The following DNAH14 variants were observed in gnomAD, a reference collection of about 807,000 sequenced individuals.
DNAH14 encodes the protein axonemal beta dynein heavy chain 14.
DNAH14 carries 478 observed loss-of-function variants against 520.9 expected under a neutral mutation model. The observed-to-expected ratio is 0.92, with a 90% CI of 0.85 to 0.99. The LOEUF (loss-of-function observed/expected upper bound fraction) is 0.99. Ranked by LOEUF, DNAH14 falls within the 50% of genes least tolerant of loss-of-function variation. The pLI is 0.00. For synonymous variants in DNAH14, 1,581 were observed against 1,757.2 expected (o/e 0.90, Z 2.51); for missense variants, 4,831 against 5,234.5 (o/e 0.92, Z 2.38).
chr1:225,287,515 G>C (rs1292901245), intron 54 of DNAH14, among the ~76,000 whole-genome samples: 3 of 152,152 alleles, frequency 2.0e-5, no homozygotes, highest in Admixed American at 2.0e-4. Flanking sequence ...CAGAGTTGGA[G>C]ACATAAGTTA....
chr1:225,367,008 T>TACACACACAC (rs111814272), intron 76 of DNAH14, among the ~76,000 whole-genome samples: 1 of 149,396 alleles, frequency 6.7e-6, no homozygotes, highest in Non-Finnish European at 1.5e-5. Flanking sequence ...CTCATGTTCA[T>TACACACACAC]ACACACACAC....
intron 38 of DNAH14, among the ~76,000 whole-genome samples, chr1:225,193,336 C>A (rs574409244): frequency 1.4e-4 from 21 of 152,128 alleles, no homozygotes; most frequent in African/African-American, 5.1e-4. Context: ...TTAGCAATAA[C>A]TAGAGATTGC....
intron 45 of DNAH14, among the ~76,000 whole-genome samples, 170 bp downstream of exon 45, chr1:225,258,288 A>G (rs959794571): frequency 6.6e-6 from 1 of 152,162 alleles, no homozygotes; most frequent in African/African-American, 2.4e-5. Context: ...ATTTTTCCAC[A>G]TATTTGCCAA....
At chr1:225,164,808 G>A (rs1255332133) in intron 35 of DNAH14, among the ~76,000 whole-genome samples, 4 of 151,988 alleles carry the variant, frequency 2.6e-5, no homozygotes, top group African/African-American at 9.7e-5. Flanking sequence ...CTCTCATTAT[G>A]TTGATGCTAT....
intron 1 of DNAH14, among the ~76,000 whole-genome samples, chr1:224,949,113 A>G (rs1329324608): frequency 1.3e-5 from 2 of 152,118 alleles, no homozygotes; most frequent in Non-Finnish European, 2.9e-5. Flanking sequence ...AAAAACACAT[A>G]TTTTTACCAG....
chr1:225,290,645 G>GTATATATA (rs2093855074), intron 55 of DNAH14, among the ~76,000 whole-genome samples: 2 of 40,580 alleles, frequency 4.9e-5, no homozygotes, highest in Admixed American at 3.7e-4. Context: ...GTGTGTGTGT[G>GTATATATA]TGTATATATA....
intron 82 of DNAH14, 83 bp downstream of exon 82, chr1:225,388,574 C>A: frequency 2.6e-6 from 2 of 761,364 alleles, no homozygotes; most frequent in Non-Finnish European, 4.3e-6. Flanking sequence ...CATGCTTGGT[C>A]TCCTTGGGTT....
chr1:224,982,305 C>T lies in DNAH14; in HGVS notation c.830+8152C>T, dbSNP rs549009557. Among the ~76,000 whole-genome samples, 6 of 152,336 alleles carry T rather than the reference C, an allele frequency of 3.9e-5. No homozygotes were observed. The East Asian group carries it at 1.2e-3, about 29-fold the overall frequency. ...AAACCTCTCTTGGTGTGCAGGCAGT[C>T]TGACACTCAGCTGGACTGGCAAAGC... On this transcript the variant is annotated intron_variant, in intron 8 of 85. Transcript: ENST00000682510.
At chr1:225,144,879 A>T (rs1305727476) in intron 29 of DNAH14, among the ~76,000 whole-genome samples, 1 of 150,916 alleles carries the variant, frequency 6.6e-6, no homozygotes, top group Non-Finnish European at 1.5e-5. Context: ...CTAACATGTG[A>T]ATGATTAATA....
At chr1:225,077,083 A>T (rs2072385084) in intron 17 of DNAH14, among the ~76,000 whole-genome samples, 1 of 152,228 alleles carries the variant, frequency 6.6e-6, no homozygotes, top group Admixed American at 6.5e-5. Flanking sequence ...GAATTGAACA[A>T]TAAGAAAATA....
chr1:225,056,859 C>A (rs1038610672), intron 17 of DNAH14, among the ~76,000 whole-genome samples: 10 of 152,138 alleles, frequency 6.6e-5, no homozygotes, highest in Admixed American at 1.3e-4. Flanking sequence ...GGAATTATTT[C>A]TGAGGGCTCT....
chr1:225,006,857 A>G (rs2064211650), intron 9 of DNAH14, among the ~76,000 whole-genome samples: 1 of 152,158 alleles, frequency 6.6e-6, no homozygotes, highest in Non-Finnish European at 1.5e-5. Flanking sequence ...AATTCCTAAT[A>G]AAAACTTGCT....
intron 42 of DNAH14, among the ~76,000 whole-genome samples, chr1:225,240,379 TAC>T (rs2149631928): frequency 6.6e-6 from 1 of 151,618 alleles, no homozygotes; most frequent in South Asian, 2.1e-4. Context: ...ACAAGTTTTA[TAC>T]ATATGGTACT....
intron 9 of DNAH14, 41 bp downstream of exon 9, chr1:225,002,968 A>G (rs1359724904): frequency 2.1e-6 from 3 of 1,402,648 alleles, no homozygotes; most frequent in Non-Finnish European, 2.8e-6. Flanking sequence ...ATTGGTATAT[A>G]GAAACTAGGA....
At chr1:225,383,005 G>A (rs2095799684) in intron 81 of DNAH14, among the ~76,000 whole-genome samples, 1 of 152,162 alleles carries the variant, frequency 6.6e-6, no homozygotes, top group South Asian at 2.1e-4. Context: ...CCAGAATAGT[G>A]ACAGAAAATA....
chr1:225,235,434 T>C (rs2091505212), intron 42 of DNAH14, among the ~76,000 whole-genome samples: 1 of 152,206 alleles, frequency 6.6e-6, no homozygotes, highest in Non-Finnish European at 1.5e-5. Context: ...ACTGCTGGAT[T>C]TGGTTTGCCA....
intron 41 of DNAH14, among the ~76,000 whole-genome samples, chr1:225,224,140 T>C (rs2090315691): frequency 6.6e-6 from 1 of 152,124 alleles, no homozygotes; most frequent in African/African-American, 2.4e-5. Flanking sequence ...TAATTGGCTT[T>C]ACCCCACCTT....
chr1:225,343,553 C>G (rs2150402184), intron 69 of DNAH14, among the ~76,000 whole-genome samples: 1 of 152,102 alleles, frequency 6.6e-6, no homozygotes, highest in African/African-American at 2.4e-5. Flanking sequence ...TCAATTTTTG[C>G]AACCATGTTT....
At chr1:225,250,154 AC>A (rs1238872942) in intron 43 of DNAH14, among the ~76,000 whole-genome samples, 3 of 152,204 alleles carry the variant, frequency 2.0e-5, no homozygotes, top group Admixed American at 2.0e-4. Context: ...CAACTGCCAA[AC>A]TTTTTTCCAA....
Sources: allele counts gnomAD v4.1 joint callset (sites outside exome capture counted in the v4.1 genomes callset), GRCh38; gene constraint gnomAD v4.1.1; transcripts MANE v1.5; gene names NCBI Gene and HGNC (gene_info 2026-07-23, HGNC 2026-07-21).